Variants in IMPA2 observed in about 807,000 individuals in gnomAD.
The protein encoded by IMPA2 is inositol monophosphatase 2.
IMPA2 carries 32 observed loss-of-function variants against 35.1 expected under a neutral mutation model. The ratio of observed to expected loss-of-function variants is 0.91; its 90% CI spans 0.69 to 1.23. The LOEUF (loss-of-function observed/expected upper bound fraction) is 1.23. Ranked by LOEUF, IMPA2 falls within the 50% of genes most tolerant of loss-of-function variation. The pLI, the probability that IMPA2 is intolerant of heterozygous loss-of-function variation, is 0.00. For synonymous variants in IMPA2, 135 were observed against 160.6 expected (o/e 0.84, Z 1.20); for missense variants, 334 against 387.6 (o/e 0.86, Z 1.16).
intron 5 of IMPA2, among the ~76,000 whole-genome samples, chr18:12,018,956 T>C (rs1436325138): frequency 1.3e-5 from 2 of 152,004 alleles, no homozygotes; most frequent in Admixed American, 1.3e-4. Flanking sequence ...CCCAAGTAGC[T>C]AGGACTACAG....
At chr18:12,005,496 A>G (rs1907224156) in intron 2 of IMPA2, among the ~76,000 whole-genome samples, 2 of 152,236 alleles carry the variant, frequency 1.3e-5, no homozygotes, top group African/African-American at 2.4e-5. Context: ...AAGAAAAAAA[A>G]AAAAAATTTC....
intron 2 of IMPA2, among the ~76,000 whole-genome samples, chr18:12,004,196 A>G (rs528001453): frequency 5.8e-4 from 88 of 152,358 alleles, no homozygotes; most frequent in Admixed American, 4.2e-3. Context: ...ACAGAGTATC[A>G]TAAATCATCT....
At chr18:11,983,476 C>G (rs1391500058) in intron 1 of IMPA2, among the ~76,000 whole-genome samples, 1 of 152,082 alleles carries the variant, frequency 6.6e-6, no homozygotes, top group East Asian at 1.9e-4. Flanking sequence ...AAATTTAGAT[C>G]CTTGAAGAAA....
At chr18:12,017,478 G>T (rs1271536734) in intron 5 of IMPA2, 1 of 227,388 alleles carries the variant, frequency 4.4e-6, no homozygotes, top group African/African-American at 2.4e-5. Flanking sequence ...TCGTTTTTAT[G>T]GAAAGTGGCC....
chr18:12,002,673 G>A (rs1180514657), intron 2 of IMPA2, among the ~76,000 whole-genome samples: 1 of 151,574 alleles, frequency 6.6e-6, no homozygotes, highest in Admixed American at 6.6e-5. Context: ...TACTTGGAAG[G>A]CTGAGGTGAG....
intron 6 of IMPA2, 74 bp downstream of exon 6, chr18:12,028,225 CT>C (rs149830011): frequency 0.047 from 46,402 of 985,630 alleles, 1,418 homozygotes; most frequent in Non-Finnish European, 0.057. Flanking sequence ...TAAAACTCCC[CT>C]GGGATTTGAG....
chr18:11,992,578 G>A (rs1906847705), intron 1 of IMPA2, among the ~76,000 whole-genome samples: 1 of 152,200 alleles, frequency 6.6e-6, no homozygotes, highest in Non-Finnish European at 1.5e-5. Flanking sequence ...TCAGGCTTCA[G>A]TGACTTCAGG....
intron 1 of IMPA2, among the ~76,000 whole-genome samples, chr18:11,986,445 AT>A (rs974034185): frequency 2.6e-5 from 4 of 151,714 alleles, no homozygotes; most frequent in African/African-American, 9.7e-5. Flanking sequence ...TCATGACTTT[AT>A]TTATCCTTGC....
chr18:12,004,443 A>G (rs906277035), intron 2 of IMPA2, among the ~76,000 whole-genome samples: 4 of 151,566 alleles, frequency 2.6e-5, no homozygotes, highest in South Asian at 2.1e-4. Context: ...TCCAGTTGCT[A>G]TTTTCCTCTT....
chr18:11,992,752 C>G lies in IMPA2; in HGVS notation c.97-6302C>G, dbSNP rs897525202. 2.0e-5 allele frequency among the ~76,000 whole-genome samples: 3 copies of G among 152,252 alleles called. No individual in the cohort carries two copies. In the East Asian group the frequency reaches 5.8e-4, roughly 29 times the overall value. ...GGTGGAGTGAGAGTGTTTAAAATCT[C>G]TAAGACTGAGGGAAAATAGCCGTGG... On this transcript the variant is annotated intron_variant, in intron 1 of 7. Transcript: ENST00000269159.
chr18:11,984,967 CAAAA>C (rs34748642), intron 1 of IMPA2, among the ~76,000 whole-genome samples: 4 of 87,784 alleles, frequency 4.6e-5, no homozygotes, highest in African/African-American at 1.6e-4. Context: ...GACTCCGTCT[CAAAA>C]AAAAAAAAAA....
Position 11,991,946 on chromosome 18 carries a change from C to T in IMPA2, c.97-7108C>T, listed in dbSNP as rs1019047419. On this transcript the variant is annotated intron_variant, in intron 1 of 7. Transcript: ENST00000269159. This position sits in a 1 kb window ranked among gnomAD's most constrained non-coding sequence, Gnocchi z 4.1. Reference sequence around the variant, plus strand: ...GCAACCTCCACCTCCTGGGCTCACGCGTTTCTCCTACCTCAGCCCCCTGAG... The same window carrying T: ...GCAACCTCCACCTCCTGGGCTCACGTGTTTCTCCTACCTCAGCCCCCTGAG... 2.6e-5 allele frequency among the ~76,000 whole-genome samples: 4 copies of T among 152,058 alleles called. No individual in the cohort carries two copies. The highest frequency in any genetic ancestry group is 4.8e-5 in the African/African-American group (2 of 41,406).
intron 6 of IMPA2, chr18:12,028,488 T>C (rs764765707): frequency 5.1e-5 from 22 of 432,790 alleles, no homozygotes; most frequent in Non-Finnish European, 6.7e-5. Flanking sequence ...GTGAATCCTC[T>C]TTGTCTCTTG....
chr18:12,028,301 AGGG>A, intron 6 of IMPA2, 150 bp downstream of exon 6: 1 of 619,734 alleles, frequency 1.6e-6, no homozygotes. Flanking sequence ...AAGCCCTGTG[AGGG>A]GCCCGCCTGC....
At chr18:11,997,208 A>G (rs150099201) in intron 1 of IMPA2, among the ~76,000 whole-genome samples, 15 of 152,340 alleles carry the variant, frequency 9.8e-5, no homozygotes, top group African/African-American at 3.6e-4. Context: ...CGGGAGCCAC[A>G]TGTGAGGAGT....
chr18:12,000,809 G>T (rs574933410), intron 2 of IMPA2, among the ~76,000 whole-genome samples: 1 of 150,976 alleles, frequency 6.6e-6, no homozygotes, highest in Non-Finnish European at 1.5e-5. Flanking sequence ...TAGAGACGGA[G>T]TTTCACCTTG....
chr18:12,024,043 T>C (rs995145098), intron 5 of IMPA2, among the ~76,000 whole-genome samples: 1 of 152,198 alleles, frequency 6.6e-6, no homozygotes, highest in Non-Finnish European at 1.5e-5. Context: ...ATAGAAAAGA[T>C]GTTTATGAAG....
rs546535097 is a variant in IMPA2, at chr18:12,030,841, C to G, written c.*383C>G. On this transcript the variant is annotated 3_prime_UTR_variant, in exon 8 of 8. Transcript: ENST00000269159. ...GCGGATCGTTCTCAGGCCCTCCCCC[C>G]GGAGTACTTCAGAATGCAATAAATC... The G allele has an allele frequency of 1.4e-4, 28 of 200,218 alleles. No individual in the cohort carries two copies. The South Asian group carries it at 1.7e-3, about 12-fold the overall frequency. The allele number at this position is 200,218 out of a possible 1,614,324, so 12.4% of individuals were successfully genotyped here. A position where few individuals can be genotyped will look rare whatever the true frequency, so the allele number is the denominator to read the frequency against.
intron 4 of IMPA2, 167 bp downstream of exon 4, chr18:12,012,382 C>G: frequency 1.5e-6 from 1 of 665,324 alleles, no homozygotes; most frequent in Non-Finnish European, 2.6e-6. Context: ...TAAACAAGTC[C>G]AGACTGGCTT....
Sources: allele counts gnomAD v4.1 joint callset (sites outside exome capture counted in the v4.1 genomes callset), GRCh38; gene constraint gnomAD v4.1.1; non-coding constraint Gnocchi (gnomAD v3.1); transcripts MANE v1.5; gene names NCBI Gene and HGNC (gene_info 2026-07-23, HGNC 2026-07-21).